The following SYN3 variants were observed in gnomAD, a reference collection of about 807,000 sequenced individuals.
SYN3 encodes synapsin III.
SYN3 carries 35 observed loss-of-function variants against 65.8 expected under a neutral mutation model. The ratio of observed to expected loss-of-function variants is 0.53; its 90% CI spans 0.41 to 0.70. The LOEUF (loss-of-function observed/expected upper bound fraction) is 0.70, where lower values mean the gene tolerates loss of function less well. Among genes scored for constraint, SYN3 ranks in the 30% least tolerant of loss-of-function variants. The probability of loss-of-function intolerance (pLI) is 0.00; values close to 1 mark genes in which losing one functional copy is unlikely to be tolerated. For synonymous variants in SYN3, 270 were observed against 292.9 expected (o/e 0.92, Z 0.80); for missense variants, 680 against 749.0 (o/e 0.91, Z 1.08).
intron 3 of SYN3, among the ~76,000 whole-genome samples, chr22:32,947,194 T>C (rs1601758349): frequency 6.6e-6 from 1 of 152,338 alleles, no homozygotes; most frequent in East Asian, 1.9e-4. Flanking sequence ...TAAAGAGCTA[T>C]AATTAATTGA....
intron 6 of SYN3, among the ~76,000 whole-genome samples, chr22:32,705,035 T>C (rs1041835572): frequency 6.6e-6 from 1 of 152,372 alleles, no homozygotes; most frequent in African/African-American, 2.4e-5. Context: ...TTTCTTTTGC[T>C]GTGCAGAAGC....
chr22:32,793,815 C>T (rs2046372165), intron 6 of SYN3, among the ~76,000 whole-genome samples: 1 of 152,206 alleles, frequency 6.6e-6, no homozygotes, highest in Non-Finnish European at 1.5e-5. Context: ...ATGCACCATG[C>T]TTGTGCTTAG....
chr22:32,525,419 ATGAAGGGGCCGGG>A lies in SYN3; in HGVS notation c.1318+2486_1318+2498del, dbSNP rs199832299. On this transcript the variant is annotated intron_variant, in intron 12 of 13. Coordinates refer to ENST00000358763, the MANE Select transcript of SYN3 (RefSeq NM_003490.4). ...GTAATCTACTCCTGATAAAGATGCT[ATGAAGGGGCCGGG>A]CGCAGTGGCTCATGCCTGTAATCCC... Among the ~76,000 whole-genome samples the A allele has an allele frequency of 3.0e-3, 453 of 152,244 alleles. 8 individuals carry two copies. The East Asian group carries it at 0.054, about 18-fold the overall frequency.
intron 6 of SYN3, among the ~76,000 whole-genome samples, chr22:32,854,350 ATGAGT>A (rs2048304760): frequency 1.3e-5 from 2 of 152,094 alleles, no homozygotes; most frequent in Admixed American, 1.3e-4. Context: ...GCTGATTTCG[ATGAGT>A]TGAGTTCTTA....
chr22:32,796,996 G>A (rs574630602), intron 6 of SYN3, among the ~76,000 whole-genome samples: 99 of 152,286 alleles, frequency 6.5e-4, no homozygotes, highest in Middle Eastern at 3.4e-3. Flanking sequence ...ACCCAGACGG[G>A]ATGTTGACTG....
intron 6 of SYN3, among the ~76,000 whole-genome samples, chr22:32,642,449 T>A (rs887790024): frequency 6.6e-6 from 1 of 151,884 alleles, no homozygotes; most frequent in African/African-American, 2.4e-5. Context: ...TTTATTTTAT[T>A]TTTTTAATTG....
At chr22:32,885,304 G>A (rs139265591) in intron 4 of SYN3, among the ~76,000 whole-genome samples, 1 of 152,330 alleles carries the variant, frequency 6.6e-6, no homozygotes, top group African/African-American at 2.4e-5. Context: ...ACAGGGCCGA[G>A]TAAATCAGAG....
rs1468463833 is a variant in SYN3 at position 32,509,595 on chromosome 22, G to T, written c.*4097C>A. Among the ~76,000 whole-genome samples, 1 of 151,840 alleles carries T rather than the reference G, an allele frequency of 6.6e-6. No homozygotes were observed. Among genetic ancestry groups the T allele is most frequent in the African/African-American group, 2.4e-5 (1 of 41,278 alleles). ...ATTATTATTATTATTTTGAGACAGAGTCTCACTCTGTTGCCCAGGCTGGAG... is the reference window on the plus strand; with the variant it reads ...ATTATTATTATTATTTTGAGACAGATTCTCACTCTGTTGCCCAGGCTGGAG... On this transcript the variant is annotated 3_prime_UTR_variant, in exon 14 of 14. Transcript: ENST00000358763.
intron 6 of SYN3, among the ~76,000 whole-genome samples, chr22:32,781,489 C>T (rs1050496901): frequency 1.1e-4 from 17 of 152,164 alleles, no homozygotes; most frequent in Middle Eastern, 3.4e-3. Flanking sequence ...TCAGTTTTCC[C>T]CACCTATAAA....
At chr22:32,895,128 T>C (rs1463383860) in intron 4 of SYN3, among the ~76,000 whole-genome samples, 1 of 152,204 alleles carries the variant, frequency 6.6e-6, no homozygotes, top group Non-Finnish European at 1.5e-5. Context: ...ATCTGAAGGA[T>C]TAGGCAGGCA....
At chr22:32,961,818 T>C (rs2051661664) in intron 3 of SYN3, among the ~76,000 whole-genome samples, 1 of 152,242 alleles carries the variant, frequency 6.6e-6, no homozygotes, top group African/African-American at 2.4e-5. Flanking sequence ...GTTCCCTTAG[T>C]GTTAACTAAA....
chr22:32,980,843 A>C, intron 2 of SYN3, 141 bp from the exon 3 acceptor site: 1 of 665,398 alleles, frequency 1.5e-6, no homozygotes, highest in Non-Finnish European at 2.6e-6. Flanking sequence ...TTCACTACTG[A>C]TTTTCTCAGT....
At position 32,507,994 on chromosome 22, in the gene SYN3, C is replaced by A. The variant is rs139494180; in HGVS notation, c.*5698G>T. Among the ~76,000 whole-genome samples, 3,574 of 152,022 alleles carry A rather than the reference C, an allele frequency of 0.024. 129 individuals carry two copies. Among genetic ancestry groups the A allele is most frequent in the African/African-American group, 0.081 (3,366 of 41,388 alleles). On this transcript the variant is annotated 3_prime_UTR_variant, in exon 14 of 14. Coordinates refer to ENST00000358763, the MANE Select transcript of SYN3 (RefSeq NM_003490.4). Reference sequence around the variant, plus strand: ...ATCGCCCATTCTCTCTCCATACCACCCCCCAAAAATTTTCGTCGCCCCAAC... The same window carrying A: ...ATCGCCCATTCTCTCTCCATACCACACCCCAAAAATTTTCGTCGCCCCAAC...
At chr22:32,813,486 TACACACACACACACACACACAC>T (rs130277) in intron 6 of SYN3, among the ~76,000 whole-genome samples, 30 of 138,286 alleles carry the variant, frequency 2.2e-4, no homozygotes, top group Admixed American at 7.2e-4. Context: ...TCTGAAAAGA[TACACACACACACACACACACAC>T]ACACACACAC....
intron 6 of SYN3, among the ~76,000 whole-genome samples, chr22:32,794,782 AG>A (rs1000151256): frequency 1.3e-5 from 2 of 152,166 alleles, no homozygotes; most frequent in African/African-American, 4.8e-5. Flanking sequence ...GGGCAGAGAG[AG>A]GACCGGAAAA....
intron 3 of SYN3, among the ~76,000 whole-genome samples, chr22:32,936,239 A>C (rs879695315): frequency 6.6e-6 from 1 of 152,212 alleles, no homozygotes; most frequent in South Asian, 2.1e-4. Flanking sequence ...ACTGCATTAC[A>C]TATCAGTTTT....
intron 6 of SYN3, among the ~76,000 whole-genome samples, chr22:32,603,085 C>T (rs1257414979): frequency 2.6e-5 from 4 of 151,428 alleles, no homozygotes; most frequent in Admixed American, 6.6e-5. Flanking sequence ...GCATTGCATA[C>T]GGGGTGAATC....
intron 2 of SYN3, among the ~76,000 whole-genome samples, chr22:32,986,016 C>T (rs1404440622): frequency 6.6e-6 from 1 of 152,086 alleles, no homozygotes; most frequent in Admixed American, 6.6e-5. Context: ...TTACACATCA[C>T]TTAGCTGCCC....
intron 4 of SYN3, among the ~76,000 whole-genome samples, chr22:32,901,826 G>A (rs1051966896): frequency 9.9e-5 from 15 of 152,254 alleles, no homozygotes; most frequent in African/African-American, 3.4e-4. Flanking sequence ...GGAAACCCAA[G>A]GGCCACATGG....
Sources: gnomAD v4.1 joint callset for allele counts (sites outside exome capture counted in the v4.1 genomes callset) on GRCh38, gnomAD v4.1.1 for gene constraint, MANE v1.5 for transcripts, NCBI Gene and HGNC (gene_info 2026-07-23, HGNC 2026-07-21) for gene names.